The following CDH18 variants were observed in gnomAD, a reference collection of about 807,000 sequenced individuals.
The protein encoded by CDH18 is cadherin 18, also known as cadherin-18.
In CDH18, 31 loss-of-function variants were observed where a neutral mutation model predicts 67.9. That is an observed-to-expected ratio of 0.46 (90% CI 0.34 to 0.62). The LOEUF is 0.62. Ranked by LOEUF, CDH18 falls within the 20% of genes least tolerant of loss-of-function variation. CDH18 has a pLI of 0.01. For missense variants in CDH18, 890 were observed against 975.5 expected (o/e 0.91, Z 1.17); for synonymous variants, 362 against 347.2 (o/e 1.04, Z -0.48).
chr5:20,268,269 T>C (rs556166008), intron 1 of CDH18, among the ~76,000 whole-genome samples: 2 of 152,348 alleles, frequency 1.3e-5, no homozygotes, highest in East Asian at 3.9e-4. Context: ...TGCGTGATTG[T>C]GTCTTTTTGG....
At chr5:19,941,742 G>C (rs1032541232) in intron 2 of CDH18, among the ~76,000 whole-genome samples, 3 of 151,828 alleles carry the variant, frequency 2.0e-5, no homozygotes, top group African/African-American at 7.3e-5. Context: ...TGCCGTGATT[G>C]TGTCACTGCA....
intron 2 of CDH18, among the ~76,000 whole-genome samples, chr5:20,221,742 A>G (rs1741242618): frequency 6.6e-6 from 1 of 152,144 alleles, no homozygotes; most frequent in Non-Finnish European, 1.5e-5. Context: ...ATAAACATAT[A>G]CATCTACTAT....
chr5:20,081,151 C>A (rs1331032166), intron 2 of CDH18, among the ~76,000 whole-genome samples: 2 of 1,046 alleles, frequency 1.9e-3, no homozygotes, highest in Non-Finnish European at 6.0e-3. Context: ...TGATTTGTAT[C>A]TTTTCCTATT....
intron 3 of CDH18, among the ~76,000 whole-genome samples, chr5:19,778,497 G>A (rs1405630407): frequency 6.6e-6 from 1 of 152,102 alleles, no homozygotes; most frequent in Non-Finnish European, 1.5e-5. Context: ...TTAGCCAGAT[G>A]ATGGAATACA....
rs113856629 is a variant in CDH18 at position 20,510,691 on chromosome 5, A to C, written c.-580+64771T>G. Among the ~76,000 whole-genome samples, 27 of 152,282 alleles carry C rather than the reference A, an allele frequency of 1.8e-4. 3 individuals are homozygous for C. Among genetic ancestry groups the C allele is most frequent in the African/African-American group, 6.3e-4 (26 of 41,566 alleles). ...TGATAAATTAAACATAATTTCCATA[A>C]AATCACCATTATATTTCTTTTCCTA... On this transcript the variant is annotated intron_variant, in intron 1 of 14. Coordinates refer to the CDH18 transcript ENST00000507958.
At chr5:20,002,014 G>A (rs1366609996) in intron 2 of CDH18, among the ~76,000 whole-genome samples, 3 of 152,142 alleles carry the variant, frequency 2.0e-5, no homozygotes, top group African/African-American at 4.8e-5. Context: ...AGGGTTGGCA[G>A]TTTTACACAC....
At chr5:20,378,096 G>C (rs1163459706) in intron 1 of CDH18, among the ~76,000 whole-genome samples, 1 of 152,170 alleles carries the variant, frequency 6.6e-6, no homozygotes, top group Non-Finnish European at 1.5e-5. Flanking sequence ...TTGCCTATCT[G>C]TCTGCTTCAT....
chr5:19,932,968 T>C (rs1793864829), intron 2 of CDH18, among the ~76,000 whole-genome samples: 1 of 151,648 alleles, frequency 6.6e-6, no homozygotes, highest in Non-Finnish European at 1.5e-5. Context: ...GCCCTTAACA[T>C]AGGCTTCTAA....
chr5:20,355,281 C>T (rs1433064372), intron 1 of CDH18, among the ~76,000 whole-genome samples: 1 of 152,218 alleles, frequency 6.6e-6, no homozygotes, highest in Non-Finnish European at 1.5e-5. Context: ...CTGGCAACTC[C>T]AGTAGCATCT....
chr5:20,294,883 C>A (rs1747368920), intron 1 of CDH18, among the ~76,000 whole-genome samples: 1 of 152,024 alleles, frequency 6.6e-6, no homozygotes, highest in South Asian at 2.1e-4. Flanking sequence ...TTCAAAAATT[C>A]TGATAGTAAA....
At chr5:20,527,580 G>T (rs1455114488) in intron 1 of CDH18, among the ~76,000 whole-genome samples, 1 of 152,088 alleles carries the variant, frequency 6.6e-6, no homozygotes, top group East Asian at 1.9e-4. Context: ...ACCCTGAAAA[G>T]CCAGAAGAGA....
intron 5 of CDH18, among the ~76,000 whole-genome samples, chr5:19,652,078 A>T (rs1035778709): frequency 2.0e-5 from 3 of 152,014 alleles, no homozygotes; most frequent in Admixed American, 6.6e-5. Flanking sequence ...AGTTAAGTAG[A>T]ACAGCCTTTT....
intron 1 of CDH18, among the ~76,000 whole-genome samples, chr5:20,319,348 C>T (rs995072346): frequency 3.3e-5 from 5 of 151,924 alleles, no homozygotes; most frequent in Admixed American, 6.6e-5. Flanking sequence ...TTGTTTTCTC[C>T]CCTCTATACC....
intron 1 of CDH18, among the ~76,000 whole-genome samples, chr5:20,509,365 A>G (rs1754872173): frequency 6.7e-6 from 1 of 150,008 alleles, no homozygotes; most frequent in Admixed American, 6.6e-5. Context: ...CCTTAATATA[A>G]TCTACAGGTT....
chr5:19,750,755 G>T (rs1770727195), intron 3 of CDH18, among the ~76,000 whole-genome samples: 1 of 49,326 alleles, frequency 2.0e-5, no homozygotes, highest in South Asian at 1.4e-3. Flanking sequence ...GTCATATACA[G>T]TGAAGCCCCC....
chr5:20,512,147 T>C (rs1755075838), intron 1 of CDH18, among the ~76,000 whole-genome samples: 1 of 152,000 alleles, frequency 6.6e-6, no homozygotes, highest in Non-Finnish European at 1.5e-5. Context: ...CGCTTGAATA[T>C]GGAAGGCAGA....
intron 2 of CDH18, among the ~76,000 whole-genome samples, chr5:19,899,788 A>G (rs1561527794): frequency 6.6e-6 from 1 of 152,190 alleles, no homozygotes; most frequent in Non-Finnish European, 1.5e-5. Flanking sequence ...ATATGCCACA[A>G]CGTGGGTGAA....
intron 5 of CDH18, among the ~76,000 whole-genome samples, chr5:19,613,018 T>C (rs749082772): frequency 2.4e-4 from 36 of 151,200 alleles, no homozygotes; most frequent in Non-Finnish European, 4.7e-4. Flanking sequence ...TGGTGGCGCA[T>C]GCCTGTAATC....
chr5:20,543,446 T>A (rs889385567), intron 1 of CDH18, among the ~76,000 whole-genome samples: 3 of 152,096 alleles, frequency 2.0e-5, no homozygotes, highest in African/African-American at 7.2e-5. Context: ...ATACATACTT[T>A]AGTGTTTTCT....
Sources: allele counts gnomAD v4.1 joint callset (sites outside exome capture counted in the v4.1 genomes callset), GRCh38; gene constraint gnomAD v4.1.1; transcripts MANE v1.5; gene names NCBI Gene and HGNC (gene_info 2026-07-23, HGNC 2026-07-21).